The following IFT122 variants were observed in gnomAD, a reference collection of about 807,000 sequenced individuals.
The protein encoded by IFT122 is intraflagellar transport 122, also known as intraflagellar transport protein 122 homolog.
A neutral mutation model predicts 161.6 loss-of-function variants in IFT122; 118 were observed. The ratio of observed to expected loss-of-function variants is 0.73; its 90% CI spans 0.63 to 0.85. IFT122 has a LOEUF of 0.85. Ranked by LOEUF, IFT122 falls within the 40% of genes least tolerant of loss-of-function variation. IFT122 has a pLI of 0.00. For missense variants in IFT122, 1,381 were observed against 1,579.6 expected, an observed-to-expected ratio of 0.87 and a Z score of 2.13; for synonymous variants, 550 against 602.4, an observed-to-expected ratio of 0.91 and a Z score of 1.27.
intron 14 of IFT122, among the ~76,000 whole-genome samples, chr3:129,482,883 C>A (rs1337296850): frequency 6.6e-6 from 1 of 152,210 alleles, no homozygotes; most frequent in Admixed American, 6.5e-5. Flanking sequence ...TACTTCCCTT[C>A]TCCCCAGCCT....
At chr3:129,493,675 C>T (rs1242809365) in intron 17 of IFT122, among the ~76,000 whole-genome samples, 2 of 152,216 alleles carry the variant, frequency 1.3e-5, no homozygotes, top group African/African-American at 2.4e-5. Context: ...TTTACCTACC[C>T]GCGTGGTAAA....
At chr3:129,514,304 C>T in intron 24 of IFT122, 85 bp from the exon 25 acceptor site, 4 of 1,470,952 alleles carry the variant, frequency 2.7e-6, no homozygotes, top group Non-Finnish European at 3.8e-6. Context: ...AGCTGTGTTC[C>T]AGCCTGGGGC....
intron 4 of IFT122, among the ~76,000 whole-genome samples, chr3:129,459,744 T>TCTTCCTTCCTTC (rs68095952): frequency 2.0e-5 from 2 of 98,564 alleles, no homozygotes; most frequent in Non-Finnish European, 3.9e-5. Flanking sequence ...CTCCCTCCCT[T>TCTTCCTTCCTTC]CTTCCTTCCT....
intron 5 of IFT122, 26 bp from the exon 6 acceptor site, chr3:129,463,534 T>C (rs1167726444): frequency 1.2e-6 from 2 of 1,602,530 alleles, no homozygotes; most frequent in African/African-American, 2.7e-5. Context: ...CCAATCCATC[T>C]TCTTTTATAT....
chr3:129,450,130 T>G (rs1351466779), intron 2 of IFT122, among the ~76,000 whole-genome samples, 193 bp downstream of exon 2: 1 of 152,138 alleles, frequency 6.6e-6, no homozygotes, highest in African/African-American at 2.4e-5. Context: ...TAAGAACCTG[T>G]GAACAATACC....
chr3:129,447,661 C>A (rs544764156), intron 1 of IFT122, among the ~76,000 whole-genome samples: 1 of 152,048 alleles, frequency 6.6e-6, no homozygotes, highest in East Asian at 1.9e-4. Flanking sequence ...TACAGGCGCC[C>A]GCCACCACAC....
Position 129,517,303 on chromosome 3 carries a change from G to C in IFT122, c.3266-166G>C, listed in dbSNP as rs35549328. On this transcript the variant is annotated intron_variant, in intron 26 of 29. Transcript: ENST00000348417. ...ACACACACACACACACACACACACA[G>C]AGACTGCTCCTGCACACACATACAG... Among the ~76,000 whole-genome samples, 9,501 of 109,198 alleles carry C rather than the reference G, an allele frequency of 0.087. 725 individuals are homozygous for C. Among genetic ancestry groups the C allele is most frequent in the East Asian group, 0.41 (1,579 of 3,868 alleles). The allele number at this position is 109,198 out of a possible 152,430, so 71.6% of individuals were successfully genotyped here.
intron 4 of IFT122, chr3:129,460,908 C>T (rs1363254187): frequency 6.2e-7 from 1 of 1,614,106 alleles, no homozygotes; most frequent in Non-Finnish European, 8.5e-7. Flanking sequence ...TGGGCCTCCA[C>T]AAAACAGTAA....
chr3:129,456,251 G>A, intron 3 of IFT122: 1 of 1,277,636 alleles, frequency 7.8e-7, no homozygotes, highest in Non-Finnish European at 1.0e-6. Context: ...GATGAGGGAG[G>A]AGTGATGGAA....
intron 15 of IFT122, chr3:129,487,490 AAG>A (rs760471441): frequency 7.1e-4 from 109 of 154,236 alleles, no homozygotes; most frequent in Non-Finnish European, 1.4e-3. Context: ...AAACCTAAGA[AAG>A]AGAAGTCGTT....
chr3:129,519,069 C>G, intron 27 of IFT122, 38 bp from the exon 28 acceptor site: 1 of 1,574,830 alleles, frequency 6.3e-7, no homozygotes, highest in East Asian at 2.2e-5. Context: ...CTGTCTCCAT[C>G]TCTGCTTCTG....
chr3:129,514,786 C>T, intron 25 of IFT122: 1 of 623,832 alleles, frequency 1.6e-6, no homozygotes, highest in Admixed American at 2.4e-5. Context: ...CGGCCTCAGC[C>T]CTCAGCCTGG....
chr3:129,485,502 T>C (rs1442152257), intron 15 of IFT122, among the ~76,000 whole-genome samples: 1 of 152,220 alleles, frequency 6.6e-6, no homozygotes, highest in East Asian at 1.9e-4. Flanking sequence ...TGGGTGGAAG[T>C]GGCAGCAGGA....
intron 1 of IFT122, among the ~76,000 whole-genome samples, chr3:129,448,266 C>A (rs112300583): frequency 2.6e-5 from 4 of 152,028 alleles, no homozygotes; most frequent in Non-Finnish European, 4.4e-5. Flanking sequence ...GTTTAACAGG[C>A]GAAAGAAAGA....
intron 3 of IFT122, among the ~76,000 whole-genome samples, chr3:129,453,015 C>A (rs1456745607): frequency 2.7e-5 from 3 of 113,058 alleles, no homozygotes; most frequent in African/African-American, 1.3e-4. Context: ...GTTGGAGTTG[C>A]CCCCCCCACT....
chr3:129,442,610 A>G (rs752668104), intron 1 of IFT122, among the ~76,000 whole-genome samples: 13 of 152,162 alleles, frequency 8.5e-5, no homozygotes, highest in Non-Finnish European at 1.9e-4. Context: ...AACTAAAAAA[A>G]TCCTAGATGT....
chr3:129,501,088 G>T (rs950969484), intron 19 of IFT122, among the ~76,000 whole-genome samples: 1 of 151,950 alleles, frequency 6.6e-6, no homozygotes, highest in African/African-American at 2.4e-5. Context: ...AGAGGAGGGG[G>T]TTGGGGTGGG....
chr3:129,491,740 T>G (rs2108443979), intron 16 of IFT122, among the ~76,000 whole-genome samples: 1 of 152,282 alleles, frequency 6.6e-6, no homozygotes, highest in Non-Finnish European at 1.5e-5. Context: ...TGCCAAGATG[T>G]ATAGGCAGTC....
intron 26 of IFT122, 22 bp from the exon 27 acceptor site, chr3:129,517,447 G>T: frequency 1.2e-6 from 2 of 1,612,428 alleles, no homozygotes; most frequent in East Asian, 2.2e-5. Flanking sequence ...AGCCCCCTCA[G>T]CCCTTTCTCT....
Sources: allele counts gnomAD v4.1 joint callset (sites outside exome capture counted in the v4.1 genomes callset), GRCh38; gene constraint gnomAD v4.1.1; transcripts MANE v1.5; gene names NCBI Gene and HGNC (gene_info 2026-07-23, HGNC 2026-07-21).